TUB: variants seen among roughly 807,000 people sequenced by gnomAD.
TUB encodes the protein TUB bipartite transcription factor.
Under a neutral mutation model 59.7 loss-of-function variants are expected in TUB, and 33 were observed. The observed-to-expected ratio is 0.55, with a 90% CI of 0.42 to 0.74. The LOEUF (loss-of-function observed/expected upper bound fraction) is 0.74, where lower values mean the gene tolerates loss of function less well. Among genes scored for constraint, TUB ranks in the 30% least tolerant of loss-of-function variants. The pLI is 0.00. For missense variants in TUB, 659 were observed against 672.0 expected (o/e 0.98, Z 0.21); for synonymous variants, 293 against 256.4 (o/e 1.14, Z -1.36).
chr11:8,069,640 C>T (rs891423568), intron 2 of TUB, among the ~76,000 whole-genome samples: 1 of 152,160 alleles, frequency 6.6e-6, no homozygotes, highest in Admixed American at 6.5e-5. Flanking sequence ...CTCTCATTAG[C>T]CGTCATCGGA....
At chr11:8,049,308 CCTG>C (rs1942889161) in intron 2 of TUB, among the ~76,000 whole-genome samples, 1 of 152,130 alleles carries the variant, frequency 6.6e-6, no homozygotes. Context: ...GGTGTGTCAT[CCTG>C]CTATTTTAGA....
In TUB at chr11:8,102,933, C is replaced by T. The variant is rs1374079561; in HGVS notation, c.*1314C>T. ...CCTCCTGGGGGCCCATTCTGCATGC[C>T]CTCCCCACTTCCCCCGATTCAGAGA... On this transcript the variant is annotated 3_prime_UTR_variant, in exon 12 of 12. Transcript: ENST00000299506. The T allele has an allele frequency of 6.6e-6, 1 of 152,164 alleles. No homozygotes were observed. Among genetic ancestry groups the T allele is most frequent in the Non-Finnish European group, 1.5e-5 (1 of 68,046 alleles). 9.4% of individuals were successfully genotyped at this position (152,164 alleles called of 1,614,324 possible).
chr11:8,053,574 C>T, intron 2 of TUB, among the ~76,000 whole-genome samples: 1 of 151,670 alleles, frequency 6.6e-6, no homozygotes, highest in East Asian at 2.0e-4. Context: ...GATCTCGGCT[C>T]ACTGCAAGCT....
intron 2 of TUB, among the ~76,000 whole-genome samples, chr11:8,051,111 G>A (rs1942928374): frequency 6.6e-6 from 1 of 151,838 alleles, no homozygotes; most frequent in Non-Finnish European, 1.5e-5. Context: ...TATTTGCTTT[G>A]TGTTTTGCTC....
intron 3 of TUB, 120 bp from the exon 4 acceptor site, chr11:8,093,926 G>C (rs1298689053): frequency 1.7e-6 from 2 of 1,151,718 alleles, no homozygotes; most frequent in Admixed American, 3.7e-5. Context: ...TGGTACAGGG[G>C]CCCTGGTGGG....
intron 1 of TUB, among the ~76,000 whole-genome samples, chr11:8,039,185 C>T (rs535423718): frequency 2.0e-5 from 3 of 152,268 alleles, no homozygotes; most frequent in East Asian, 3.9e-4. Flanking sequence ...CAGGTATATC[C>T]CCGCAAACCC....
rs942246527 is a variant in TUB, at chr11:8,102,627, C to T, written c.*1008C>T. 3.3e-5 allele frequency: 5 copies of T among 152,202 alleles called. No homozygotes were observed. Among genetic ancestry groups the T allele is most frequent in the African/African-American group, 1.2e-4 (5 of 41,432 alleles). 9.4% of individuals were successfully genotyped at this position (152,202 alleles called of 1,614,324 possible). The stretch of plus-strand genomic sequence containing the variant: ...CTCTCTCTCTCTCTCTGGAAAGACC[C>T]AACTTTCTCACTGCTGTCAGCCAAG... On this transcript the variant is annotated 3_prime_UTR_variant, in exon 12 of 12. Coordinates refer to ENST00000299506, the MANE Select transcript of TUB (RefSeq NM_177972.3).
At chr11:8,090,307 C>G in intron 3 of TUB, 76 bp downstream of exon 3, 1 of 1,547,060 alleles carries the variant, frequency 6.5e-7, no homozygotes, top group Non-Finnish European at 8.8e-7. Context: ...TAGGCAGGTG[C>G]GGACTGGTCC....
intron 2 of TUB, 118 bp downstream of exon 2, chr11:8,089,779 C>T: frequency 7.3e-7 from 1 of 1,377,670 alleles, no homozygotes; most frequent in Admixed American, 1.8e-5. Flanking sequence ...ATGGGATTCC[C>T]ATGTGGAAGA....
chr11:8,040,694 G>C (rs1365695098), intron 2 of TUB, among the ~76,000 whole-genome samples: 1 of 152,194 alleles, frequency 6.6e-6, no homozygotes, highest in Non-Finnish European at 1.5e-5. Flanking sequence ...TACTTCACAG[G>C]CTCTTGGGAA....
intron 1 of TUB, among the ~76,000 whole-genome samples, chr11:8,028,597 G>A (rs1278718646): frequency 1.3e-5 from 2 of 152,194 alleles, no homozygotes; most frequent in African/African-American, 2.4e-5. Context: ...GTTAATTTCT[G>A]TATATAGTAT....
chr11:8,076,100 AG>A (rs1280593085), intron 2 of TUB: 1 of 152,086 alleles, frequency 6.6e-6, no homozygotes, highest in Non-Finnish European at 1.5e-5. Flanking sequence ...CCTCCCTTGG[AG>A]GAGCCCTCTT....
Position 8,090,099 on chromosome 11 carries a change from A to C in TUB, c.121A>C (p.Lys41Gln), listed in dbSNP as rs533066502. ...RALLEQKQKK[K>Q]RQEPLMVQAN... ...CCTGCTGGAGCAGAAGCAGAAGAAG[A>C]AGCGCCAGGAGCCCCTGATGGTGCA... The change falls in exon 3 of 12, where the codon AAG becomes CAG. Residue 41 changes from lysine to glutamine, a missense_variant. By Grantham distance (53) the Lys-to-Gln change is moderately conservative (BLOSUM62 1). Around this residue, in one of 3 missense-constraint regions of TUB, gnomAD observed 321 missense variants for 304.3 expected, o/e 1.05. Coordinates refer to ENST00000299506, the MANE Select transcript of TUB (RefSeq NM_177972.3). 3.2e-4 allele frequency: 520 copies of C among 1,612,020 alleles called. 1 individual carries two copies. Among genetic ancestry groups the C allele is most frequent in the Middle Eastern group, 3.3e-4 (2 of 6,054 alleles).
chr11:8,043,462 C>T (rs1011032722), intron 2 of TUB, among the ~76,000 whole-genome samples: 2 of 152,126 alleles, frequency 1.3e-5, no homozygotes, highest in African/African-American at 2.4e-5. Flanking sequence ...CACAAAGAAG[C>T]CAGCCAGTAT....
chr11:8,059,003 G>T (rs1943071494), intron 2 of TUB, among the ~76,000 whole-genome samples: 1 of 152,218 alleles, frequency 6.6e-6, no homozygotes, highest in Admixed American at 6.5e-5. Flanking sequence ...AAATGTCACT[G>T]TTAACACCCC....
At chr11:8,038,855 A>G in exon 1 of TUB, 2 of 1,612,300 alleles carry the variant, frequency 1.2e-6, no homozygotes, top group Non-Finnish European at 8.5e-7. Flanking sequence ...CCTTAAACCC[A>G]CTCCATCCTG....
At position 8,104,248 on chromosome 11, in the gene TUB, G is replaced by A. The variant is rs774675146; in HGVS notation, c.*2629G>A. The A allele has an allele frequency of 6.6e-6, 1 of 152,224 alleles. No homozygotes were observed. The highest frequency in any genetic ancestry group is 6.5e-5 in the Admixed American group (1 of 15,288). The allele number at this position is 152,224 out of a possible 1,614,324, so 9.4% of individuals were successfully genotyped here. A position where few individuals can be genotyped will look rare whatever the true frequency, so the allele number is the denominator to read the frequency against. On this transcript the variant is annotated 3_prime_UTR_variant, in exon 12 of 12. Coordinates refer to ENST00000299506, the MANE Select transcript of TUB (RefSeq NM_177972.3). The stretch of plus-strand genomic sequence containing the variant: ...AGAATGAGCAGTCCCTAATGGTATT[G>A]GGCAGTTGGGAGTGAGTTTAGGCAG...
intron 3 of TUB, among the ~76,000 whole-genome samples, chr11:8,093,759 AACTTT>A (rs1943861258): frequency 6.6e-6 from 1 of 152,190 alleles, no homozygotes; most frequent in African/African-American, 2.4e-5. Context: ...GGTGGCCCAG[AACTTT>A]TGAGTGCGCA....
chr11:8,060,678 C>T (rs1238185569), intron 2 of TUB, among the ~76,000 whole-genome samples: 5 of 152,170 alleles, frequency 3.3e-5, no homozygotes, highest in Non-Finnish European at 7.3e-5. Context: ...CACCCTGTCC[C>T]CAGCTTCATC....
Sources: allele counts gnomAD v4.1 joint callset (sites outside exome capture counted in the v4.1 genomes callset), GRCh38; gene constraint gnomAD v4.1.1; regional missense constraint gnomAD v4.1.1; transcripts MANE v1.5; gene names NCBI Gene and HGNC (gene_info 2026-07-23, HGNC 2026-07-21).